Variants in ST3GAL4 observed in about 807,000 individuals in gnomAD.
ST3GAL4 encodes CMP-N-acetylneuraminate-beta-galactosamide-alpha-2,3-sialyltransferase 4.
A neutral mutation model predicts 42.6 loss-of-function variants in ST3GAL4; 24 were observed. The observed-to-expected ratio is 0.56, with a 90% CI of 0.41 to 0.79. The LOEUF (loss-of-function observed/expected upper bound fraction) is 0.79, where lower values mean the gene tolerates loss of function less well. ST3GAL4 is among the 30% of genes least tolerant of loss of function. The pLI is 0.00. For synonymous variants in ST3GAL4, 135 were observed against 163.2 expected (o/e 0.83, Z 1.32); for missense variants, 311 against 430.8 (o/e 0.72, Z 2.46).
At chr11:126,362,618 G>A (rs1190055743) in intron 1 of ST3GAL4, among the ~76,000 whole-genome samples, 1 of 152,174 alleles carries the variant, frequency 6.6e-6, no homozygotes, top group Non-Finnish European at 1.5e-5. Flanking sequence ...TCCAGAGACT[G>A]AAGAGGGTCT....
intron 1 of ST3GAL4, among the ~76,000 whole-genome samples, chr11:126,394,819 G>T (rs1185875482): frequency 6.6e-6 from 1 of 150,988 alleles, no homozygotes; most frequent in Non-Finnish European, 1.5e-5. Context: ...GTGCCAGGCT[G>T]CAGGGGCGGA....
chr11:126,371,749 G>A (rs1196982692), intron 1 of ST3GAL4, among the ~76,000 whole-genome samples: 1 of 152,212 alleles, frequency 6.6e-6, no homozygotes. Flanking sequence ...TGCTTGAATG[G>A]GGTGTCCCGT....
chr11:126,377,885 T>A (rs962141202), intron 1 of ST3GAL4, among the ~76,000 whole-genome samples: 2 of 152,252 alleles, frequency 1.3e-5, no homozygotes, highest in South Asian at 4.1e-4. Flanking sequence ...TCATCCCAGA[T>A]TGTACTGCTT....
rs992341161 is a variant in ST3GAL4 at position 126,413,369 on chromosome 11, T to G, written c.772-136T>G. 14 of 1,084,106 alleles carry G rather than the reference T, an allele frequency of 1.3e-5. No individual in the cohort carries two copies. In the African/African-American group the frequency reaches 2.1e-4, roughly 16 times the overall value. 67.2% of individuals were successfully genotyped at this position (1,084,106 alleles called of 1,614,324 possible). A position where few individuals can be genotyped will look rare whatever the true frequency, so the allele number is the denominator to read the frequency against. ...TGGCCCCATTTGCGTGCTCGTTAGC[T>G]CGTGGCTTGTCTTGTTGGACAGCGC... On this transcript the variant is annotated intron_variant, in intron 9 of 10. Transcript: ENST00000444328.
Position 126,376,271 on chromosome 11 carries a change from T to G in ST3GAL4, c.-61+20429T>G, listed in dbSNP as rs913202045. ...AATATAAAATAAAATATATTACCTG[T>G]GTGAAAGAGAATTTTTCAGGCACAA... On this transcript the variant is annotated intron_variant, in intron 1 of 10. Coordinates refer to ENST00000444328, the MANE Select transcript of ST3GAL4 (RefSeq NM_001254757.2). The surrounding 1 kb of genome is among the most constrained non-coding windows in gnomAD (Gnocchi z 5.1). Among the ~76,000 whole-genome samples the G allele has an allele frequency of 3.3e-5, 5 of 152,188 alleles. No homozygotes were observed. Among genetic ancestry groups the G allele is most frequent in the African/African-American group, 9.7e-5 (4 of 41,446 alleles).
In ST3GAL4 at chr11:126,370,789, G is replaced by T. The variant is rs760127678; in HGVS notation, c.-61+14947G>T. ...CATCCCGGGTTCAAGCAATTCTCCT[G>T]CCTCAGCCTCCCGATTTGCTGGGAC... On this transcript the variant is annotated intron_variant, in intron 1 of 10. Coordinates refer to ENST00000444328, the MANE Select transcript of ST3GAL4 (RefSeq NM_001254757.2). Among the ~76,000 whole-genome samples, 7 of 151,636 alleles carry T rather than the reference G, an allele frequency of 4.6e-5. No homozygotes were observed. The South Asian group carries it at 8.3e-4, about 18-fold the overall frequency.
At position 126,410,815 on chromosome 11, in the gene ST3GAL4, G is replaced by C. The variant is rs1302082067; in HGVS notation, c.771+1404G>C. ...GGGTGATAAAATTCCACAATGGAGA[G>C]TTGTTCCCAATGCCGTGGAATCTCA... On this transcript the variant is annotated intron_variant, in intron 9 of 10. Transcript: ENST00000444328. The surrounding 1 kb of genome is among the most constrained non-coding windows in gnomAD (Gnocchi z 5.3). Among the ~76,000 whole-genome samples the C allele has an allele frequency of 2.6e-5, 4 of 152,178 alleles. No individual in the cohort carries two copies. The highest frequency in any genetic ancestry group is 5.9e-5 in the Non-Finnish European group (4 of 68,040).
chr11:126,383,153 G>A lies in ST3GAL4; in HGVS notation c.-60-22943G>A, dbSNP rs1451772183. On this transcript the variant is annotated intron_variant, in intron 1 of 10. Transcript: ENST00000444328. The surrounding 1 kb of genome is among the most constrained non-coding windows in gnomAD (Gnocchi z 4.5). The stretch of plus-strand genomic sequence containing the variant: ...CTGGGACACTCTCCAGGCCTGCTGG[G>A]GACACACCTGTGGGGCTCATAGGCG... Among the ~76,000 whole-genome samples the A allele has an allele frequency of 6.6e-6, 1 of 152,310 alleles. No individual in the cohort carries two copies. The highest frequency in any genetic ancestry group is 2.1e-4 in the South Asian group (1 of 4,828).
intron 10 of ST3GAL4, 110 bp from the exon 11 acceptor site, chr11:126,413,851 G>T (rs951430441): frequency 1.1e-5 from 16 of 1,438,254 alleles, no homozygotes; most frequent in Non-Finnish European, 1.5e-5. Flanking sequence ...CCAGCCTGGG[G>T]AAGGGAGCTC....
chr11:126,397,026 C>G lies in ST3GAL4; in HGVS notation c.-60-9070C>G, dbSNP rs1953804188. Among the ~76,000 whole-genome samples the G allele has an allele frequency of 6.6e-6, 1 of 152,044 alleles. No homozygotes were observed. Among genetic ancestry groups the G allele is most frequent in the Non-Finnish European group, 1.5e-5 (1 of 68,028 alleles). ...AGGCCAGAGATGGCTGCTAAACACCCCATAATACACAAGACAGACCCCGCA... is the reference window on the plus strand; with the variant it reads ...AGGCCAGAGATGGCTGCTAAACACCGCATAATACACAAGACAGACCCCGCA... On this transcript the variant is annotated intron_variant, in intron 1 of 10. Transcript: ENST00000444328. The surrounding 1 kb of genome is among the most constrained non-coding windows in gnomAD (Gnocchi z 5.0).
intron 1 of ST3GAL4, among the ~76,000 whole-genome samples, chr11:126,375,818 G>T (rs117187843): frequency 6.6e-6 from 1 of 150,566 alleles, no homozygotes; most frequent in East Asian, 2.0e-4. Flanking sequence ...GAACTGTCTG[G>T]CCCCCAAAGT....
rs1953601617 is a variant in ST3GAL4, at chr11:126,393,462, G to A, written c.-60-12634G>A. Among the ~76,000 whole-genome samples the A allele has an allele frequency of 6.6e-6, 1 of 152,196 alleles. No homozygotes were observed. The highest frequency in any genetic ancestry group is 6.5e-5 in the Admixed American group (1 of 15,282). On this transcript the variant is annotated intron_variant, in intron 1 of 10. Coordinates refer to ENST00000444328, the MANE Select transcript of ST3GAL4 (RefSeq NM_001254757.2). This position sits in a 1 kb window ranked among gnomAD's most constrained non-coding sequence, Gnocchi z 5.9. Reference sequence around the variant, plus strand: ...GTGTTTCCATACCCAGGGCCCAGATGGCTCAGGAGGAGGGGGATGGGGACG... The same window carrying A: ...GTGTTTCCATACCCAGGGCCCAGATAGCTCAGGAGGAGGGGGATGGGGACG...
chr11:126,364,722 G>A (rs556179830), intron 1 of ST3GAL4, among the ~76,000 whole-genome samples: 4,490 of 149,866 alleles, frequency 0.03, 249 homozygotes, highest in African/African-American at 0.1. Flanking sequence ...TGCTCAGGAG[G>A]GCAGAATAAC....
rs998758049 is a variant in ST3GAL4 at position 126,411,842 on chromosome 11, T to G, written c.772-1663T>G. Among the ~76,000 whole-genome samples, 2 of 152,072 alleles carry G rather than the reference T, an allele frequency of 1.3e-5. No individual in the cohort carries two copies. Among genetic ancestry groups the G allele is most frequent in the African/African-American group, 4.8e-5 (2 of 41,406 alleles). ...TCAAATCTCTGACCTCCGTTTCTGA[T>G]CTTGACACCCGGATTTAAAGGTTCA... On this transcript the variant is annotated intron_variant, in intron 9 of 10. Coordinates refer to ENST00000444328, the MANE Select transcript of ST3GAL4 (RefSeq NM_001254757.2). This position sits in a 1 kb window ranked among gnomAD's most constrained non-coding sequence, Gnocchi z 6.3.
In ST3GAL4 at chr11:126,397,121, C is replaced by T. The variant is rs1234788800; in HGVS notation, c.-60-8975C>T. On this transcript the variant is annotated intron_variant, in intron 1 of 10. Transcript: ENST00000444328. The surrounding 1 kb of genome is among the most constrained non-coding windows in gnomAD (Gnocchi z 5.0). The stretch of plus-strand genomic sequence containing the variant: ...AGAGATCCTGGTTTCGCGTTTTGAG[C>T]GTGCAGTACATTTCAGTTGTTAGTG... Among the ~76,000 whole-genome samples, 6 of 152,076 alleles carry T rather than the reference C, an allele frequency of 3.9e-5. No homozygotes were observed. The highest frequency in any genetic ancestry group is 4.4e-5 in the Non-Finnish European group (3 of 68,020).
chr11:126,372,418 C>CT (rs576229954), intron 1 of ST3GAL4, among the ~76,000 whole-genome samples: 8,987 of 143,162 alleles, frequency 0.063, 361 homozygotes, highest in East Asian at 0.2. Context: ...CTTTTCTTTT[C>CT]TTTTTTTTTT....
Position 126,391,059 on chromosome 11 carries a change from C to T in ST3GAL4, c.-60-15037C>T, listed in dbSNP as rs576056792. 6.6e-6 allele frequency among the ~76,000 whole-genome samples: 1 copy of T among 152,278 alleles called. No individual in the cohort carries two copies. The highest frequency in any genetic ancestry group is 2.4e-5 in the African/African-American group (1 of 41,560). ...AATAATATTCCATTGTATGCGTAGA[C>T]CACATTTTGTGGATCCGTTCATCCA... On this transcript the variant is annotated intron_variant, in intron 1 of 10. Transcript: ENST00000444328. The surrounding 1 kb of genome is among the most constrained non-coding windows in gnomAD (Gnocchi z 5.5).
rs976681597 is a variant in ST3GAL4, at chr11:126,378,287, C to A, written c.-61+22445C>A. ...GGGTGATACGAATGTCATGGTTATTCTCCGTCACATCTGCGTCTGCACAGC... is the reference window on the plus strand; with the variant it reads ...GGGTGATACGAATGTCATGGTTATTATCCGTCACATCTGCGTCTGCACAGC... On this transcript the variant is annotated intron_variant, in intron 1 of 10. Coordinates refer to ENST00000444328, the MANE Select transcript of ST3GAL4 (RefSeq NM_001254757.2). This position sits in a 1 kb window ranked among gnomAD's most constrained non-coding sequence, Gnocchi z 5.3. Among the ~76,000 whole-genome samples, 15 of 152,188 alleles carry A rather than the reference C, an allele frequency of 9.9e-5. No individual in the cohort carries two copies. The highest frequency in any genetic ancestry group is 3.6e-4 in the African/African-American group (15 of 41,434).
At chr11:126,381,677 T>C (rs1470381566) in intron 1 of ST3GAL4, among the ~76,000 whole-genome samples, 149 of 149,574 alleles carry the variant, frequency 1.0e-3, no homozygotes, top group African/African-American at 3.4e-3. Flanking sequence ...TGTCTTCTTT[T>C]CTTTGGACCT....
Sources: allele counts gnomAD v4.1 joint callset (sites outside exome capture counted in the v4.1 genomes callset), GRCh38; gene constraint gnomAD v4.1.1; non-coding constraint Gnocchi (gnomAD v3.1); transcripts MANE v1.5; gene names NCBI Gene and HGNC (gene_info 2026-07-23, HGNC 2026-07-21).